The following CHCHD6 variants were observed in gnomAD, a reference collection of about 807,000 sequenced individuals.
CHCHD6 encodes coiled-coil-helix-coiled-coil-helix domain containing 6.
Under a neutral mutation model 32.3 loss-of-function variants are expected in CHCHD6, and 28 were observed. The ratio of observed to expected loss-of-function variants is 0.87; its 90% CI spans 0.64 to 1.19. The LOEUF (loss-of-function observed/expected upper bound fraction) is 1.19. Among genes scored for constraint, CHCHD6 ranks in the 50% most tolerant of loss-of-function variants. The probability of loss-of-function intolerance (pLI) is 0.00; values close to 1 mark genes in which losing one functional copy is unlikely to be tolerated. For missense variants in CHCHD6, 333 were observed against 307.0 expected, an observed-to-expected ratio of 1.08 and a Z score of -0.63; for synonymous variants, 122 against 117.5, an observed-to-expected ratio of 1.04 and a Z score of -0.25.
chr3:126,949,555 CCGCCG>C (rs2107607008), intron 6 of CHCHD6: 3 of 164,722 alleles, frequency 1.8e-5, no homozygotes, highest in East Asian at 2.9e-4. Context: ...GCCCGGACTG[CCGCCG>C]TGGACGGAAG....
intron 5 of CHCHD6, among the ~76,000 whole-genome samples, chr3:126,903,871 C>T (rs958260003): frequency 6.6e-6 from 1 of 152,208 alleles, no homozygotes; most frequent in African/African-American, 2.4e-5. Flanking sequence ...AAGCTCTCTA[C>T]CTTCCTTTCT....
chr3:126,841,724 G>A (rs181929827), intron 4 of CHCHD6, among the ~76,000 whole-genome samples: 116 of 151,362 alleles, frequency 7.7e-4, no homozygotes, highest in Middle Eastern at 3.5e-3. Flanking sequence ...CAGCAACATA[G>A]GGAGACCCCG....
At chr3:126,813,335 G>A (rs972496269) in intron 4 of CHCHD6, among the ~76,000 whole-genome samples, 1 of 152,160 alleles carries the variant, frequency 6.6e-6, no homozygotes, top group Admixed American at 6.5e-5. Flanking sequence ...CAAAATTAAT[G>A]TCAATAAATT....
intron 7 of CHCHD6, among the ~76,000 whole-genome samples, chr3:126,959,101 ATTTC>A (rs915435871): frequency 6.6e-6 from 1 of 152,200 alleles, no homozygotes; most frequent in Middle Eastern, 3.2e-3. Context: ...CCCTAAGAGT[ATTTC>A]TTTAACAAAC....
At chr3:126,918,190 A>T (rs181879011) in intron 6 of CHCHD6, among the ~76,000 whole-genome samples, 1 of 152,362 alleles carries the variant, frequency 6.6e-6, no homozygotes, top group East Asian at 1.9e-4. Context: ...TATTTCTTGG[A>T]TTAACAGATA....
chr3:126,865,731 T>G, intron 5 of CHCHD6: 1 of 985,292 alleles, frequency 1.0e-6, no homozygotes, highest in Non-Finnish European at 1.2e-6. Context: ...CTCTGCATAC[T>G]GCTTCTGGTA....
chr3:126,806,099 T>C (rs1939363173), intron 4 of CHCHD6, among the ~76,000 whole-genome samples: 1 of 152,324 alleles, frequency 6.6e-6, no homozygotes, highest in South Asian at 2.1e-4. Context: ...ATAAAAACCC[T>C]AGAAGAAAAC....
At chr3:126,860,393 A>G (rs943297396) in intron 5 of CHCHD6, among the ~76,000 whole-genome samples, 1 of 152,124 alleles carries the variant, frequency 6.6e-6, no homozygotes, top group East Asian at 1.9e-4. Flanking sequence ...GGGAATTGAC[A>G]ATGAGAACAC....
chr3:126,767,993 A>G (rs755458888), intron 4 of CHCHD6, among the ~76,000 whole-genome samples: 21 of 152,170 alleles, frequency 1.4e-4, no homozygotes, highest in Non-Finnish European at 2.6e-4. Context: ...TATCCAGTGT[A>G]CCATGGATGA....
chr3:126,894,655 G>A lies in CHCHD6; in HGVS notation c.496-20025G>A, dbSNP rs538421890. On this transcript the variant is annotated intron_variant, in intron 5 of 7. Transcript: ENST00000290913. ...GCCAGTGTGAGCACACACCCATCAC[G>A]GTGGGAGGCAGACTGAGTGTGAGCA... is the stretch of plus-strand genomic sequence containing the variant. 4.6e-5 allele frequency among the ~76,000 whole-genome samples: 7 copies of A among 152,284 alleles called. No homozygotes were observed. The South Asian group carries it at 6.2e-4, about 14-fold the overall frequency.
In CHCHD6 at chr3:126,922,517, ATC is replaced by A. The variant is rs543436737; in HGVS notation, c.566+7772_566+7773del. On this transcript the variant is annotated intron_variant, in intron 6 of 7. Transcript: ENST00000290913. ...TCTTTTCTGCTGTACTGAGATACGTATCTCTCAGAATGTACAGGATGGGGGCA... is the reference window on the plus strand; with the variant it reads ...TCTTTTCTGCTGTACTGAGATACGTATCTCAGAATGTACAGGATGGGGGCA... Among the ~76,000 whole-genome samples, 62 of 152,250 alleles carry A rather than the reference ATC, an allele frequency of 4.1e-4. No homozygotes were observed. In the East Asian group the frequency reaches 0.011, roughly 27 times the overall value.
intron 6 of CHCHD6, among the ~76,000 whole-genome samples, chr3:126,940,093 A>G (rs939433555): frequency 3.3e-5 from 5 of 152,222 alleles, no homozygotes; most frequent in Non-Finnish European, 7.3e-5. Flanking sequence ...GTATATACAT[A>G]TCTTCCAGGT....
intron 4 of CHCHD6, among the ~76,000 whole-genome samples, chr3:126,851,049 G>A (rs1941458668): frequency 6.6e-6 from 1 of 152,178 alleles, no homozygotes; most frequent in African/African-American, 2.4e-5. Context: ...GGGGAAAACA[G>A]ACAAGACAGC....
At chr3:126,831,288 G>T (rs1183946778) in intron 4 of CHCHD6, among the ~76,000 whole-genome samples, 1 of 152,064 alleles carries the variant, frequency 6.6e-6, no homozygotes, top group African/African-American at 2.4e-5. Context: ...GCCTCCCAAA[G>T]TGCTGAGATT....
chr3:126,871,314 C>T (rs1576534051), intron 5 of CHCHD6, among the ~76,000 whole-genome samples: 2 of 152,182 alleles, frequency 1.3e-5, no homozygotes, highest in East Asian at 3.9e-4. Flanking sequence ...AGCGTGTCTG[C>T]ACCTCAGCTC....
rs567028192 is a variant in CHCHD6, at chr3:126,753,107, G to A, written c.411+19885G>A. ...GCACCCTTCAAGCGCCTTTTCCTTG[G>A]CTGCTTTTTGTAAAACAAGCAGATT... On this transcript the variant is annotated intron_variant, in intron 4 of 7. Transcript: ENST00000290913. Among the ~76,000 whole-genome samples the A allele has an allele frequency of 1.3e-3, 191 of 152,198 alleles. 1 individual carries two copies. Among genetic ancestry groups the A allele is most frequent in the African/African-American group, 4.2e-3 (174 of 41,526 alleles).
At chr3:126,883,944 A>C (rs2077645972) in intron 5 of CHCHD6, among the ~76,000 whole-genome samples, 1 of 152,148 alleles carries the variant, frequency 6.6e-6, no homozygotes, top group Admixed American at 6.5e-5. Context: ...TTGGAGAGCA[A>C]ATATTCACTG....
chr3:126,943,613 G>C (rs988102226), intron 6 of CHCHD6, among the ~76,000 whole-genome samples: 1 of 152,160 alleles, frequency 6.6e-6, no homozygotes, highest in South Asian at 2.1e-4. Flanking sequence ...CATGAGGTAC[G>C]GTGAGAGGTG....
intron 6 of CHCHD6, among the ~76,000 whole-genome samples, chr3:126,929,910 T>A (rs561589905): frequency 1.3e-4 from 20 of 152,200 alleles, no homozygotes; most frequent in Non-Finnish European, 2.8e-4. Context: ...CTTCCCCAAC[T>A]AAGTCATTGA....
Sources: allele counts gnomAD v4.1 joint callset (sites outside exome capture counted in the v4.1 genomes callset), GRCh38; gene constraint gnomAD v4.1.1; transcripts MANE v1.5; gene names NCBI Gene and HGNC (gene_info 2026-07-23, HGNC 2026-07-21).